The following DUSP16 variants were observed in gnomAD, a reference collection of about 807,000 sequenced individuals.
DUSP16 encodes dual specificity phosphatase 16.
DUSP16 carries 21 observed loss-of-function variants against 58.3 expected under a neutral mutation model. The observed-to-expected ratio is 0.36, with a 90% CI of 0.26 to 0.52. The LOEUF is 0.52. Ranked by LOEUF, DUSP16 falls within the 20% of genes least tolerant of loss-of-function variation. DUSP16 has a pLI of 0.94. For missense variants in DUSP16, 726 were observed against 819.0 expected (o/e 0.89, Z 1.39); for synonymous variants, 320 against 323.8 (o/e 0.99, Z 0.12).
intron 1 of DUSP16, among the ~76,000 whole-genome samples, chr12:12,543,310 G>A (rs1306474000): frequency 6.6e-6 from 1 of 152,170 alleles, no homozygotes. Flanking sequence ...CTTGAGGATA[G>A]TGGGCCATGT....
intron 1 of DUSP16, among the ~76,000 whole-genome samples, chr12:12,529,727 T>G (rs1176608828): frequency 6.6e-6 from 1 of 152,188 alleles, no homozygotes; most frequent in Non-Finnish European, 1.5e-5. Context: ...ACCATTCTAC[T>G]CTCTACTTCC....
At chr12:12,484,058 A>G (rs990125945) in intron 5 of DUSP16, among the ~76,000 whole-genome samples, 1 of 152,126 alleles carries the variant, frequency 6.6e-6, no homozygotes, top group Non-Finnish European at 1.5e-5. Context: ...AGCTCTTGCC[A>G]TTCTACTACT....
intron 1 of DUSP16, among the ~76,000 whole-genome samples, chr12:12,531,886 C>T (rs1226622749): frequency 6.7e-5 from 10 of 149,484 alleles, no homozygotes; most frequent in East Asian, 2.0e-4. Context: ...AGGCCGGGCG[C>T]GGTGGCTCAC....
rs1592221937 is a variant in DUSP16 at position 12,562,823 on chromosome 12, G to A, written c.-1072C>T. ...CCGCGCCTCGTTCCGGCCGCTCGGG[G>A]AGGGGTCAGGTCATGTTCCCTTCCA... On this transcript the variant is annotated 5_prime_UTR_variant, in exon 1 of 7. Transcript: ENST00000298573. Among the ~76,000 whole-genome samples, 1 of 151,744 alleles carries A rather than the reference G, an allele frequency of 6.6e-6. No homozygotes were observed. Among genetic ancestry groups the A allele is most frequent in the Admixed American group, 6.6e-5 (1 of 15,236 alleles).
At chr12:12,548,868 C>A (rs938365534) in intron 1 of DUSP16, among the ~76,000 whole-genome samples, 19 of 151,920 alleles carry the variant, frequency 1.3e-4, no homozygotes, top group African/African-American at 4.6e-4. Context: ...GGGAAATCAT[C>A]AGGAGGGGAT....
intron 1 of DUSP16, among the ~76,000 whole-genome samples, chr12:12,537,008 T>C (rs1406918281): frequency 6.6e-6 from 1 of 150,808 alleles, no homozygotes; most frequent in Non-Finnish European, 1.5e-5. Flanking sequence ...CACTGCACTC[T>C]ATCTAGCCTG....
Position 12,473,835 on chromosome 12 carries a change from C to T in DUSP16, c.*2998G>A, listed in dbSNP as rs1288150532. ...TTCAACAATTGCCCTTCCTGTTTTT[C>T]CTGTAGGAATCGTAACATCATTTAC... On this transcript the variant is annotated 3_prime_UTR_variant, in exon 7 of 7. Coordinates refer to ENST00000298573, the MANE Select transcript of DUSP16 (RefSeq NM_030640.3). Among the ~76,000 whole-genome samples, 1 of 152,180 alleles carries T rather than the reference C, an allele frequency of 6.6e-6. No homozygotes were observed. Among genetic ancestry groups the T allele is most frequent in the African/African-American group, 2.4e-5 (1 of 41,434 alleles).
chr12:12,543,690 A>G lies in DUSP16; in HGVS notation c.-366+18427T>C, dbSNP rs149098645. On this transcript the variant is annotated intron_variant, in intron 1 of 6. Transcript: ENST00000298573. ...TGGACATGTAAAAAGAAAGATGTCT[A>G]TCTGATATAGAATGACTTCCAGAAA... Among the ~76,000 whole-genome samples the G allele has an allele frequency of 1.8e-3, 278 of 152,250 alleles. 3 individuals carry two copies. Among genetic ancestry groups the G allele is most frequent in the African/African-American group, 6.2e-3 (256 of 41,550 alleles).
chr12:12,497,363 T>G (rs1943844118), intron 4 of DUSP16, among the ~76,000 whole-genome samples: 1 of 152,176 alleles, frequency 6.6e-6, no homozygotes, highest in Admixed American at 6.5e-5. Context: ...TTTCAGTCCT[T>G]CGTAACAGCC....
At chr12:12,542,388 G>GAAAAAAAAAAAAAAAA (rs56822339) in intron 1 of DUSP16, among the ~76,000 whole-genome samples, 2 of 109,706 alleles carry the variant, frequency 1.8e-5, no homozygotes, top group African/African-American at 3.5e-5. Context: ...AAAGAAAAGA[G>GAAAAAAAAAAAAAAAA]AAAAAAAAAA....
At chr12:12,554,773 A>G (rs1479575009) in intron 1 of DUSP16, 1 of 152,144 alleles carries the variant, frequency 6.6e-6, no homozygotes, top group Non-Finnish European at 1.5e-5. Flanking sequence ...CACCTAATAT[A>G]TATTCCATTT....
In DUSP16 at chr12:12,500,688, A is replaced by G; in HGVS notation, c.368-6T>C. ...AGAGAACTCAGCAAACCCACCTAAG[A>G]ATAAACATTATAAAATTATAAAAAA... On this transcript the variant is annotated splice_region_variant and splice_polypyrimidine_tract_variant and intron_variant, in intron 3 of 6. Transcript: ENST00000298573. 6.4e-7 allele frequency: 1 copy of G among 1,552,886 alleles called. No homozygotes were observed.
chr12:12,547,927 C>T (rs1033118610), intron 1 of DUSP16, among the ~76,000 whole-genome samples: 18 of 152,130 alleles, frequency 1.2e-4, no homozygotes, highest in African/African-American at 3.1e-4. Flanking sequence ...TAGTCCATCC[C>T]TCTGGTTTAC....
intron 5 of DUSP16, among the ~76,000 whole-genome samples, chr12:12,485,727 G>A (rs1283722937): frequency 6.6e-6 from 1 of 151,346 alleles, no homozygotes; most frequent in Non-Finnish European, 1.5e-5. Context: ...GTGATTGCTT[G>A]CCTCGGCTTG....
chr12:12,495,932 A>G (rs1301077407), intron 4 of DUSP16, among the ~76,000 whole-genome samples: 1 of 152,230 alleles, frequency 6.6e-6, no homozygotes, highest in Admixed American at 6.5e-5. Flanking sequence ...TAAACCAGGA[A>G]CTGTGCTTGG....
Position 12,477,942 on chromosome 12 carries a change from T to C in DUSP16, c.889A>G (p.Lys297Glu). Residue 297 changes from lysine (K) to glutamate (E), a missense_variant, in exon 7 of 7, where the codon AAG becomes GAG. Transcript: ENST00000298573. This position sits in a 1 kb window ranked among gnomAD's most constrained non-coding sequence, Gnocchi z 4.1. The stretch of plus-strand genomic sequence containing the variant: ...GATGCTCCAGTCTGGTTCTTAATCT[T>C]CTTCTCATAGTCCAGGAGTTGGCCC... ...FLGQLLDYEKKIKNQTGASGP... is the reference protein window; with the variant it reads ...FLGQLLDYEKEIKNQTGASGP... 6.2e-7 allele frequency: 1 copy of C among 1,614,224 alleles called. No individual in the cohort carries two copies. The highest frequency in any genetic ancestry group is 8.5e-7 in the Non-Finnish European group (1 of 1,180,038).
At position 12,517,389 on chromosome 12, in the gene DUSP16, G is replaced by A. The variant is rs112948943; in HGVS notation, c.367+2473C>T. The stretch of plus-strand genomic sequence containing the variant: ...TTGTAACTTACAGTAGCCCCTGTGA[G>A]AAACTAGGGTGCTTTTCAGTTATTT... On this transcript the variant is annotated intron_variant, in intron 3 of 6. Transcript: ENST00000298573. 3.9e-3 allele frequency among the ~76,000 whole-genome samples: 597 copies of A among 152,316 alleles called. 2 individuals are homozygous for A. Among genetic ancestry groups the A allele is most frequent in the African/African-American group, 0.013 (552 of 41,572 alleles).
chr12:12,504,230 A>AT (rs1943951582), intron 3 of DUSP16, among the ~76,000 whole-genome samples: 3 of 152,298 alleles, frequency 2.0e-5, no homozygotes, highest in African/African-American at 7.2e-5. Flanking sequence ...ATGATGTTAA[A>AT]TTTTAATGTG....
chr12:12,530,794 A>G (rs1944371781), intron 1 of DUSP16, among the ~76,000 whole-genome samples: 1 of 152,202 alleles, frequency 6.6e-6, no homozygotes, highest in South Asian at 2.1e-4. Flanking sequence ...GTTTTACAAC[A>G]TGGAATGTAG....
Sources: allele counts gnomAD v4.1 joint callset (sites outside exome capture counted in the v4.1 genomes callset), GRCh38; gene constraint gnomAD v4.1.1; non-coding constraint Gnocchi (gnomAD v3.1); transcripts MANE v1.5; gene names NCBI Gene and HGNC (gene_info 2026-07-23, HGNC 2026-07-21).